ROBO2: variants seen among roughly 807,000 people sequenced by gnomAD.
ROBO2 encodes the protein roundabout homolog 2.
Under a neutral mutation model 160.8 loss-of-function variants are expected in ROBO2, and 53 were observed. The observed-to-expected ratio is 0.33, with a 90% CI of 0.26 to 0.41. The LOEUF (loss-of-function observed/expected upper bound fraction) is 0.41. Ranked by LOEUF, ROBO2 falls within the 10% of genes least tolerant of loss-of-function variation. ROBO2 has a pLI of 1.00. For synonymous variants in ROBO2, 664 were observed against 611.7 expected, an observed-to-expected ratio of 1.09 and a Z score of -1.26; for missense variants, 1,577 against 1,722.4, an observed-to-expected ratio of 0.92 and a Z score of 1.49.
chr3:76,387,072 T>A (rs1445844278), intron 2 of ROBO2, among the ~76,000 whole-genome samples: 1 of 152,194 alleles, frequency 6.6e-6, no homozygotes, highest in African/African-American at 2.4e-5. Context: ...TGGCATTTGA[T>A]GTCTGGTGAC....
chr3:76,201,789 G>A (rs1042129981), intron 2 of ROBO2, among the ~76,000 whole-genome samples: 3 of 151,126 alleles, frequency 2.0e-5, no homozygotes, highest in Non-Finnish European at 4.4e-5. Flanking sequence ...ATGATGTGTG[G>A]GTAGAGAATT....
intron 2 of ROBO2, among the ~76,000 whole-genome samples, chr3:76,798,231 AAG>A (rs1233170354): frequency 2.4e-4 from 36 of 149,556 alleles, no homozygotes; most frequent in African/African-American, 4.2e-4. Flanking sequence ...AAGAAAGAGA[AAG>A]AAAGAAAAAA....
intron 3 of ROBO2, among the ~76,000 whole-genome samples, chr3:77,480,227 A>C (rs1346342305): frequency 2.0e-5 from 3 of 151,872 alleles, no homozygotes; most frequent in Non-Finnish European, 2.9e-5. Flanking sequence ...AATGGAGAAA[A>C]CCAACATGTT....
intron 6 of ROBO2, among the ~76,000 whole-genome samples, chr3:77,539,277 C>CT (rs1226693601): frequency 6.6e-6 from 1 of 152,156 alleles, no homozygotes; most frequent in East Asian, 1.9e-4. Flanking sequence ...GTCTGTAGTG[C>CT]TTTTGTTACT....
chr3:76,517,035 A>T (rs188760145), intron 2 of ROBO2, among the ~76,000 whole-genome samples: 1 of 152,320 alleles, frequency 6.6e-6, no homozygotes, highest in African/African-American at 2.4e-5. Context: ...ACTTTTATCT[A>T]GGTAGTTTTG....
At chr3:77,340,470 T>C (rs1189174556) in intron 2 of ROBO2, among the ~76,000 whole-genome samples, 1 of 152,104 alleles carries the variant, frequency 6.6e-6, no homozygotes, top group African/African-American at 2.4e-5. Context: ...TAGGAGTCCG[T>C]GGTTGTATTT....
At chr3:77,560,972 A>G (rs1389947161) in intron 9 of ROBO2, among the ~76,000 whole-genome samples, 1 of 152,154 alleles carries the variant, frequency 6.6e-6, no homozygotes, top group African/African-American at 2.4e-5. Context: ...AAGATTTCTA[A>G]TGACTATAAT....
chr3:76,313,380 G>A (rs915907690), intron 2 of ROBO2, among the ~76,000 whole-genome samples: 4 of 152,018 alleles, frequency 2.6e-5, no homozygotes, highest in East Asian at 3.9e-4. Context: ...AATTCTGTTC[G>A]TTTTTTTCTT....
chr3:76,981,380 G>T (rs2060089589), intron 2 of ROBO2, among the ~76,000 whole-genome samples: 1 of 152,088 alleles, frequency 6.6e-6, no homozygotes, highest in African/African-American at 2.4e-5. Flanking sequence ...TATCATAGTG[G>T]TTGTGAAGTG....
chr3:76,745,727 C>G (rs1308042457), intron 2 of ROBO2, among the ~76,000 whole-genome samples: 1 of 151,880 alleles, frequency 6.6e-6, no homozygotes, highest in South Asian at 2.1e-4. Context: ...TCTGCATTTT[C>G]TGCAGAATTC....
Position 75,939,122 on chromosome 3 carries a change from G to A in ROBO2, c.109+1520G>A, listed in dbSNP as rs567221232. Reference sequence around the variant, plus strand: ...GTATGACACAGGGTTGCTGAAACAAGAATATGTAGACAGCCGCGTTGGGTT... The same window carrying A: ...GTATGACACAGGGTTGCTGAAACAAAAATATGTAGACAGCCGCGTTGGGTT... On this transcript the variant is annotated intron_variant, in intron 2 of 26. Transcript: ENST00000487694. Among the ~76,000 whole-genome samples, 324 of 148,526 alleles carry A rather than the reference G, an allele frequency of 2.2e-3. 7 individuals carry two copies. The East Asian group carries it at 0.035, about 16-fold the overall frequency.
At chr3:76,644,919 T>C (rs565240162) in intron 2 of ROBO2, among the ~76,000 whole-genome samples, 7 of 152,324 alleles carry the variant, frequency 4.6e-5, no homozygotes, top group African/African-American at 1.7e-4. Context: ...CCCTATGAAA[T>C]GGGCACTCAG....
At chr3:75,926,030 A>G (rs1276266936) in intron 1 of ROBO2, among the ~76,000 whole-genome samples, 4 of 152,200 alleles carry the variant, frequency 2.6e-5, no homozygotes, top group Non-Finnish European at 4.4e-5. Context: ...TTTTCTTTAT[A>G]TTCTGTAAAC....
intron 2 of ROBO2, among the ~76,000 whole-genome samples, chr3:76,492,447 T>C (rs940686724): frequency 1.3e-5 from 2 of 152,158 alleles, no homozygotes; most frequent in East Asian, 1.9e-4. Flanking sequence ...TAAAAATTAT[T>C]GTGAAGGTCA....
At chr3:77,167,545 G>T (rs2079207783) in intron 2 of ROBO2, among the ~76,000 whole-genome samples, 1 of 152,016 alleles carries the variant, frequency 6.6e-6, no homozygotes, top group Admixed American at 6.6e-5. Flanking sequence ...TACTGGGGTG[G>T]CAGTTAAACC....
intron 2 of ROBO2, among the ~76,000 whole-genome samples, chr3:77,262,762 A>C (rs1316108846): frequency 6.6e-6 from 1 of 152,200 alleles, no homozygotes; most frequent in African/African-American, 2.4e-5. Flanking sequence ...CATAAATTGA[A>C]GTTGGAATAT....
chr3:76,897,939 CTAGTG>C (rs966615479), intron 2 of ROBO2, among the ~76,000 whole-genome samples: 1 of 152,028 alleles, frequency 6.6e-6, no homozygotes, highest in Non-Finnish European at 1.5e-5. Flanking sequence ...GTAGAATTTT[CTAGTG>C]TAGTTGTTAT....
At chr3:76,220,807 T>G (rs1047330243) in intron 2 of ROBO2, among the ~76,000 whole-genome samples, 2 of 152,244 alleles carry the variant, frequency 1.3e-5, no homozygotes, top group African/African-American at 4.8e-5. Context: ...TAGGATAATT[T>G]TAGTCCTTAG....
chr3:77,298,646 A>G (rs1448922711), intron 2 of ROBO2, among the ~76,000 whole-genome samples: 5 of 152,124 alleles, frequency 3.3e-5, no homozygotes, highest in African/African-American at 4.8e-5. Flanking sequence ...TGTAACAATC[A>G]CAGCTGACTA....
Sources: allele counts gnomAD v4.1 joint callset (sites outside exome capture counted in the v4.1 genomes callset), GRCh38; gene constraint gnomAD v4.1.1; transcripts MANE v1.5; gene names NCBI Gene and HGNC (gene_info 2026-07-23, HGNC 2026-07-21).